The following RABGAP1 variants were observed in gnomAD, a reference collection of about 807,000 sequenced individuals.
RABGAP1 encodes rab GTPase-activating protein 1.
A neutral mutation model predicts 137.6 loss-of-function variants in RABGAP1; 23 were observed. The ratio of observed to expected loss-of-function variants is 0.17; its 90% confidence interval spans 0.12 to 0.24. The LOEUF is 0.24. RABGAP1 is among the 10% of genes least tolerant of loss of function. RABGAP1 has a pLI of 1.00. For missense variants in RABGAP1, 906 were observed against 1,275.8 expected (o/e 0.71, Z 4.42); for synonymous variants, 451 against 450.7 (o/e 1.00, Z -0.01).
chr9:122,945,381 A>G (rs940885307), intron 1 of RABGAP1: 6 of 152,060 alleles, frequency 3.9e-5, no homozygotes, highest in African/African-American at 7.2e-5. Context: ...AGTTTATACA[A>G]TGTGGCCTGA....
At position 123,089,813 on chromosome 9, in the gene RABGAP1, A is replaced by G. The variant is rs1234629056; in HGVS notation, c.2480A>G (p.Gln827Arg). The G allele has an allele frequency of 6.2e-7, 1 of 1,613,936 alleles. No homozygotes were observed. Among genetic ancestry groups the G allele is most frequent in the Non-Finnish European group, 8.5e-7 (1 of 1,179,848 alleles). Residue 827 changes from glutamine to arginine, a missense_variant, in exon 20 of 26, where the codon CAG becomes CGG. Gln to Arg is a conservative substitution (Grantham distance 43). Transcript: ENST00000373647. ...AAAGAATATCACACCATGAGGGAAC[A>G]GCAGGCCCAGCAAGAAGACCCCATC... ...YEKEYHTMRE[Q>R]QAQQEDPIER... is the part of the protein sequence containing the mutation.
rs553868160 is a variant in RABGAP1 at position 123,030,093 on chromosome 9, C to T, written c.1794+9634C>T. Reference sequence around the variant, plus strand: ...TTAGGTTGAACCATATAGAAATTGGCGTGTTTGCAGGTCAGAAAGTATTTA... The same window carrying T: ...TTAGGTTGAACCATATAGAAATTGGTGTGTTTGCAGGTCAGAAAGTATTTA... On this transcript the variant is annotated intron_variant, in intron 13 of 25. Coordinates refer to ENST00000373647, the MANE Select transcript of RABGAP1 (RefSeq NM_012197.4). Among the ~76,000 whole-genome samples, 6 of 152,052 alleles carry T rather than the reference C, an allele frequency of 3.9e-5. No individual in the cohort carries two copies. In the East Asian group the frequency reaches 7.7e-4, roughly 20 times the overall value.
chr9:122,941,280 T>G (rs987890176), intron 1 of RABGAP1, among the ~76,000 whole-genome samples, 187 bp downstream of exon 1: 1 of 152,142 alleles, frequency 6.6e-6, no homozygotes, highest in Non-Finnish European at 1.5e-5. Flanking sequence ...GAGGGGGAAC[T>G]GCGACGGAGG....
intron 10 of RABGAP1, among the ~76,000 whole-genome samples, chr9:123,004,956 C>T (rs1003900927): frequency 2.7e-5 from 4 of 148,452 alleles, no homozygotes; most frequent in African/African-American, 5.0e-5. Context: ...CTCGGGAGGC[C>T]GAGGCAGGAG....
chr9:123,070,552 C>G lies in RABGAP1; in HGVS notation c.1983+128C>G. The G allele has an allele frequency of 6.9e-7, 1 of 1,455,076 alleles. No individual in the cohort carries two copies. The highest frequency in any genetic ancestry group is 9.1e-7 in the Non-Finnish European group (1 of 1,103,894). 90.1% of individuals were successfully genotyped at this position (1,455,076 alleles called of 1,614,324 possible). ...AAGGCATGAATTTTAACACCTATAG[C>G]TGGAAACTTTTTCCTTAAATTAACT... On this transcript the variant is annotated intron_variant, in intron 15 of 25. Transcript: ENST00000373647. This position sits in a 1 kb window ranked among gnomAD's most constrained non-coding sequence, Gnocchi z 4.4.
chr9:123,072,678 C>G (rs896785966), intron 15 of RABGAP1, among the ~76,000 whole-genome samples: 1 of 152,180 alleles, frequency 6.6e-6, no homozygotes, highest in Non-Finnish European at 1.5e-5. Flanking sequence ...GCTTTTGCCC[C>G]AGATACTCTT....
At chr9:123,082,018 A>G (rs778183802) in intron 19 of RABGAP1, among the ~76,000 whole-genome samples, 3 of 151,086 alleles carry the variant, frequency 2.0e-5, no homozygotes, top group Admixed American at 6.6e-5. Flanking sequence ...AAATGGCCAC[A>G]AGATGGGTGT....
intron 1 of RABGAP1, among the ~76,000 whole-genome samples, chr9:122,943,788 C>A (rs563321745): frequency 6.6e-6 from 1 of 152,072 alleles, no homozygotes; most frequent in East Asian, 1.9e-4. Flanking sequence ...CCCGTCTCTA[C>A]TAAAAATACA....
chr9:123,000,663 A>G (rs1837274366), intron 10 of RABGAP1, among the ~76,000 whole-genome samples: 1 of 152,202 alleles, frequency 6.6e-6, no homozygotes, highest in African/African-American at 2.4e-5. Context: ...GTCATCATTT[A>G]TAGCAATAGC....
chr9:122,945,599 T>C (rs934042754), intron 1 of RABGAP1, among the ~76,000 whole-genome samples: 2 of 152,230 alleles, frequency 1.3e-5, no homozygotes, highest in African/African-American at 4.8e-5. Flanking sequence ...ATGAGAAATA[T>C]ATCTTCTTAA....
At chr9:122,969,406 C>G (rs1835351389) in intron 2 of RABGAP1, among the ~76,000 whole-genome samples, 1 of 152,178 alleles carries the variant, frequency 6.6e-6, no homozygotes, top group East Asian at 1.9e-4. Flanking sequence ...AATTGAGGAA[C>G]ATGTTCTCCA....
At chr9:123,014,502 AT>A (rs1418724144) in intron 11 of RABGAP1, among the ~76,000 whole-genome samples, 1 of 152,112 alleles carries the variant, frequency 6.6e-6, no homozygotes, top group Non-Finnish European at 1.5e-5. Context: ...TCTGTTTTCT[AT>A]TTTATAACAT....
intron 13 of RABGAP1, among the ~76,000 whole-genome samples, chr9:123,040,443 A>G (rs1249620336): frequency 6.6e-6 from 1 of 152,212 alleles, no homozygotes; most frequent in African/African-American, 2.4e-5. Flanking sequence ...TATTGAGATC[A>G]TAGTAAAAGG....
chr9:123,096,944 T>C (rs1457500905), intron 21 of RABGAP1, among the ~76,000 whole-genome samples: 1 of 152,202 alleles, frequency 6.6e-6, no homozygotes, highest in African/African-American at 2.4e-5. Flanking sequence ...AAATAGAGTA[T>C]AGTGGAAAAC....
chr9:122,933,923 T>C, the RABGAP1 span, among the ~76,000 whole-genome samples: 3 of 51,580 alleles, frequency 5.8e-5, no homozygotes, highest in South Asian at 2.8e-3. Flanking sequence ...CCTTTTTCCT[T>C]GAATTATTGA....
intron 13 of RABGAP1, among the ~76,000 whole-genome samples, chr9:123,044,564 A>G (rs945753452): frequency 4.6e-5 from 7 of 152,158 alleles, no homozygotes; most frequent in Non-Finnish European, 1.0e-4. Flanking sequence ...AAGAGAAGAC[A>G]GAAGGTGCTG....
intron 13 of RABGAP1, chr9:123,029,370 G>T: frequency 9.8e-7 from 1 of 1,025,622 alleles, no homozygotes; most frequent in South Asian, 1.3e-5. Context: ...GAGTTGCTTG[G>T]ACCTGTTCAT....
chr9:122,996,456 G>T, intron 7 of RABGAP1, 83 bp from the exon 8 acceptor site: 3 of 1,325,810 alleles, frequency 2.3e-6, no homozygotes, highest in South Asian at 2.6e-5. Context: ...CTATCAGCAA[G>T]AATTTGTTTT....
At position 122,998,749 on chromosome 9, in the gene RABGAP1, T is replaced by G; in HGVS notation, c.1357T>G (p.Phe453Val). ...CAAACGTAGTACTACTGAAAATTTC[T>G]TTTTGAAACTAAAACAGGTACTGTA... ...FSKRSTTENF[F>V]LKLKQIKQRE... The change falls in exon 10 of 26, where the codon TTT becomes GTT. Residue 453 changes from phenylalanine (F) to valine (V), a missense_variant. Phe to Val is a conservative substitution (Grantham distance 50). This residue lies in a region of RABGAP1 where 212 missense variants were observed against 289.4 expected (regional missense o/e 0.73). Transcript: ENST00000373647. 6.3e-7 allele frequency: 1 copy of G among 1,596,718 alleles called. No homozygotes were observed. The highest frequency in any genetic ancestry group is 8.5e-7 in the Non-Finnish European group (1 of 1,170,458).
Sources: gnomAD v4.1 joint callset for allele counts (sites outside exome capture counted in the v4.1 genomes callset) on GRCh38, gnomAD v4.1.1 for gene constraint, gnomAD v4.1.1 regional missense constraint, Gnocchi (gnomAD v3.1) non-coding constraint, MANE v1.5 for transcripts, NCBI Gene and HGNC (gene_info 2026-07-23, HGNC 2026-07-21) for gene names.